The following VPS45 variants were observed in gnomAD, a reference collection of about 807,000 sequenced individuals.
VPS45 encodes vacuolar protein sorting-associated protein 45.
In VPS45, 35 loss-of-function variants were observed where a neutral mutation model predicts 75.9. The ratio of observed to expected loss-of-function variants is 0.46; its 90% CI spans 0.35 to 0.61. The LOEUF (loss-of-function observed/expected upper bound fraction) is 0.61, where lower values mean the gene tolerates loss of function less well. VPS45 is among the 20% of genes least tolerant of loss of function. The pLI, the probability that VPS45 is intolerant of heterozygous loss-of-function variation, is 0.00. For synonymous variants in VPS45, 220 were observed against 238.2 expected (o/e 0.92, Z 0.70); for missense variants, 559 against 685.9 (o/e 0.81, Z 2.07).
In VPS45 at chr1:150,091,921, TTCTA is replaced by T. The variant is rs782676936; in HGVS notation, c.1105-12_1105-9del. Reference sequence around the variant, plus strand: ...CAAGTGAAAGGGGGATAAATATAAGTTCTATCTTTCTTCAGAATATAAAAAGGCT... The same window carrying T: ...CAAGTGAAAGGGGGATAAATATAAGTTCTTTCTTCAGAATATAAAAAGGCT... On this transcript the variant is annotated splice_polypyrimidine_tract_variant and intron_variant, in intron 10 of 14. Transcript: ENST00000644510. The T allele has an allele frequency of 6.2e-7, 1 of 1,609,812 alleles. No homozygotes were observed. The highest frequency in any genetic ancestry group is 8.5e-7 in the Non-Finnish European group (1 of 1,178,468).
intron 2 of VPS45, 55 bp downstream of exon 2, chr1:150,068,819 T>C (rs1654871740): frequency 6.9e-7 from 1 of 1,451,888 alleles, no homozygotes; most frequent in African/African-American, 1.4e-5. Flanking sequence ...CACTCTGATC[T>C]GAAAGCATTA....
chr1:150,068,164 A>G, intron 1 of VPS45: 1 of 517,180 alleles, frequency 1.9e-6, no homozygotes, highest in Non-Finnish European at 3.4e-6. Flanking sequence ...ACCCGGAACA[A>G]TTTATTGGAA....
chr1:150,099,765 A>AGAGCTT (rs1656870055), intron 13 of VPS45, among the ~76,000 whole-genome samples: 1 of 148,052 alleles, frequency 6.8e-6, no homozygotes, highest in Admixed American at 6.9e-5. Flanking sequence ...CCCAGGAGGT[A>AGAGCTT]GAGCTTGCAG....
At chr1:150,118,888 G>A (rs1279545807) in intron 14 of VPS45, among the ~76,000 whole-genome samples, 1 of 152,194 alleles carries the variant, frequency 6.6e-6, no homozygotes, top group Admixed American at 6.6e-5. Context: ...ATTTTGGACA[G>A]AATTGTTCAC....
chr1:150,113,771 C>A (rs1233576390), intron 14 of VPS45, among the ~76,000 whole-genome samples: 1 of 152,000 alleles, frequency 6.6e-6, no homozygotes, highest in Non-Finnish European at 1.5e-5. Flanking sequence ...TGGCAGGCGC[C>A]TGTAGTCCCA....
rs782259316 is a variant in VPS45, at chr1:150,091,971, C to CA, written c.1140dup (p.Glu381ArgfsTer3). On this transcript the variant is annotated frameshift_variant, in exon 11 of 15. Coordinates refer to ENST00000644510, the MANE Select transcript of VPS45 (RefSeq NM_007259.5). LOFTEE classifies it high-confidence loss of function. ...AGGCTTCTGCAGAACCCCAAAGTGACAGAGTTTGATGCTGCCCGCCTGGTG... is the reference window on the plus strand; with the variant it reads ...AGGCTTCTGCAGAACCCCAAAGTGACAAGAGTTTGATGCTGCCCGCCTGGTG... 2 of 1,614,006 alleles carry CA rather than the reference C, an allele frequency of 1.2e-6. No individual in the cohort carries two copies. Among genetic ancestry groups the CA allele is most frequent in the Non-Finnish European group, 1.7e-6 (2 of 1,179,952 alleles).
chr1:150,085,565 A>G lies in VPS45; in HGVS notation c.1104+2682A>G, dbSNP rs587633698. On this transcript the variant is annotated intron_variant, in intron 10 of 14. Transcript: ENST00000644510. ...CGACTTATTTGGCAACATAACTTAAATAGTCTATAAAGGGATCTTTTGTTT... is the reference window on the plus strand; with the variant it reads ...CGACTTATTTGGCAACATAACTTAAGTAGTCTATAAAGGGATCTTTTGTTT... Among the ~76,000 whole-genome samples the G allele has an allele frequency of 3.3e-5, 5 of 152,176 alleles. No homozygotes were observed. In the South Asian group the frequency reaches 1.0e-3, roughly 32 times the overall value.
intron 4 of VPS45, chr1:150,076,657 A>G: frequency 1.8e-6 from 1 of 550,260 alleles, no homozygotes; most frequent in Non-Finnish European, 3.2e-6. Context: ...ATAAGTATGC[A>G]TAGAGGTCTC....
Position 150,076,919 on chromosome 1 carries a change from T to A in VPS45, c.373T>A (p.Phe125Ile). The change falls in exon 5 of 15, where the codon TTT becomes ATT. Residue 125 changes from phenylalanine (F) to isoleucine (I), a missense_variant. Phe to Ile is a conservative substitution (Grantham distance 21, BLOSUM62 0). Transcript: ENST00000644510. ...EQEVVAEVQE[F>I]YGDYIAVNPH... ...ATTCTTGGTGCTTTATTTGCAGGAA[T>A]TTTATGGTGATTACATTGCTGTGAA... 1 of 1,614,098 alleles carries A rather than the reference T, an allele frequency of 6.2e-7. No homozygotes were observed. The highest frequency in any genetic ancestry group is 8.5e-7 in the Non-Finnish European group (1 of 1,179,996).
At chr1:150,091,590 A>G (rs1656327632) in intron 10 of VPS45, among the ~76,000 whole-genome samples, 3 of 152,230 alleles carry the variant, frequency 2.0e-5, no homozygotes, top group African/African-American at 7.2e-5. Context: ...TTGCAAATCA[A>G]CTAGTCAGTT....
At chr1:150,123,698 A>G (rs1658355822) in intron 14 of VPS45, among the ~76,000 whole-genome samples, 1 of 152,174 alleles carries the variant, frequency 6.6e-6, no homozygotes, top group Non-Finnish European at 1.5e-5. Context: ...TAGCTGTGTG[A>G]GCTGAGAGGT....
At chr1:150,122,236 A>G (rs147868846) in intron 14 of VPS45, among the ~76,000 whole-genome samples, 3,273 of 152,164 alleles carry the variant, frequency 0.022, 96 homozygotes, top group African/African-American at 0.074. Context: ...CAGGAGAATC[A>G]CTTGAACCCA....
At chr1:150,119,591 A>T (rs1374519236) in intron 14 of VPS45, among the ~76,000 whole-genome samples, 1 of 152,086 alleles carries the variant, frequency 6.6e-6, no homozygotes, top group African/African-American at 2.4e-5. Flanking sequence ...CTCCTTTTAC[A>T]CTTAGAATCA....
At chr1:150,120,741 C>T (rs1301320022) in intron 14 of VPS45, among the ~76,000 whole-genome samples, 1 of 152,006 alleles carries the variant, frequency 6.6e-6, no homozygotes, top group Non-Finnish European at 1.5e-5. Flanking sequence ...AGGGCCTGCT[C>T]TGATTAGCTG....
At chr1:150,118,047 C>T (rs782094485) in intron 14 of VPS45, among the ~76,000 whole-genome samples, 2 of 151,848 alleles carry the variant, frequency 1.3e-5, no homozygotes, top group Non-Finnish European at 2.9e-5. Context: ...CTGTGGAAGG[C>T]CAAGGCAGGC....
At chr1:150,121,060 G>A (rs1388711180) in intron 14 of VPS45, among the ~76,000 whole-genome samples, 1 of 151,526 alleles carries the variant, frequency 6.6e-6, no homozygotes, top group Non-Finnish European at 1.5e-5. Context: ...GTAGAGATGG[G>A]GTTTCACTGT....
chr1:150,077,207 A>G lies in VPS45; in HGVS notation c.552A>G (p.Ala184=), dbSNP rs1655442014. ...MIRYQLSSEA[A]KRLAECVKQV... is the part of the protein sequence containing the mutation. ...GTTATCAGCTCTCATCAGAGGCAGC[A>G]AAGAGACTTGCAGAGTGCGTTAAGG... Residue 184 remains alanine, a synonymous_variant, in exon 6 of 15, where the codon GCA becomes GCG. Transcript: ENST00000644510. 6.2e-7 allele frequency: 1 copy of G among 1,614,084 alleles called. No homozygotes were observed. Among genetic ancestry groups the G allele is most frequent in the Admixed American group, 1.7e-5 (1 of 60,008 alleles).
chr1:150,126,263 T>G (rs1428377833), intron 14 of VPS45, among the ~76,000 whole-genome samples: 2 of 152,028 alleles, frequency 1.3e-5, no homozygotes, highest in Non-Finnish European at 2.9e-5. Flanking sequence ...CATGCTGGAG[T>G]GCAGTGGTGC....
At chr1:150,106,544 G>A (rs1380580626) in intron 13 of VPS45, among the ~76,000 whole-genome samples, 1 of 152,154 alleles carries the variant, frequency 6.6e-6, no homozygotes, top group Non-Finnish European at 1.5e-5. Context: ...TAGTCAGAAA[G>A]TCAGATGCCA....
Sources: allele counts gnomAD v4.1 joint callset (sites outside exome capture counted in the v4.1 genomes callset), GRCh38; gene constraint gnomAD v4.1.1; transcripts MANE v1.5; gene names NCBI Gene and HGNC (gene_info 2026-07-23, HGNC 2026-07-21).